The following TMEM87A variants were observed in gnomAD, a reference collection of about 807,000 sequenced individuals.
TMEM87A encodes the protein Golgi-pH regulating cation channel.
A neutral mutation model predicts 90.0 loss-of-function variants in TMEM87A; 50 were observed. That is an observed-to-expected ratio of 0.56 (90% confidence interval 0.44 to 0.70). The LOEUF is 0.70. Among genes scored for constraint, TMEM87A ranks in the 30% least tolerant of loss-of-function variants. TMEM87A has a pLI of 0.00. For missense variants in TMEM87A, 577 were observed against 660.5 expected, an observed-to-expected ratio of 0.87 and a Z score of 1.39; for synonymous variants, 226 against 226.7, an observed-to-expected ratio of 1.00 and a Z score of 0.03.
At chr15:42,273,544 C>T (rs531864227), upstream of TMEM87A, 3 of 1,378,384 alleles carry the variant, frequency 2.2e-6, no homozygotes, top group African/African-American at 1.4e-5. Flanking sequence ...CGGCCCCTCT[C>T]TCAGACAGTC....
At chr15:42,226,756 G>T in intron 15 of TMEM87A, 50 bp downstream of exon 15, 1 of 1,517,620 alleles carries the variant, frequency 6.6e-7, no homozygotes, top group South Asian at 1.1e-5. Context: ...ACCCCTAATT[G>T]ATGACATGGT....
chr15:42,239,942 C>T (rs1017926401), intron 7 of TMEM87A, among the ~76,000 whole-genome samples: 1 of 152,194 alleles, frequency 6.6e-6, no homozygotes, highest in African/African-American at 2.4e-5. Flanking sequence ...GCACAGGTTT[C>T]CATGCCTCCA....
intron 6 of TMEM87A, among the ~76,000 whole-genome samples, chr15:42,255,927 A>T (rs960627268): frequency 7.5e-6 from 1 of 133,880 alleles, no homozygotes; most frequent in Non-Finnish European, 1.6e-5. Context: ...GCGCCACCAC[A>T]CCCAGCTAAT....
intron 6 of TMEM87A, among the ~76,000 whole-genome samples, chr15:42,246,271 A>C (rs1029375886): frequency 2.6e-5 from 4 of 151,518 alleles, no homozygotes; most frequent in African/African-American, 7.3e-5. Context: ...ATGGTTAACT[A>C]TTTTCTAAGT....
At chr15:42,246,914 T>C (rs2050984293) in intron 6 of TMEM87A, among the ~76,000 whole-genome samples, 2 of 152,224 alleles carry the variant, frequency 1.3e-5, no homozygotes, top group Non-Finnish European at 2.9e-5. Context: ...CCACCAACAG[T>C]GTAAAAGTGT....
At chr15:42,253,846 T>A (rs2051130161) in intron 6 of TMEM87A, among the ~76,000 whole-genome samples, 1 of 152,204 alleles carries the variant, frequency 6.6e-6, no homozygotes, top group Non-Finnish European at 1.5e-5. Context: ...GACCTGGACC[T>A]CACTACTCCA....
At chr15:42,261,755 T>C (rs2051297216) in intron 4 of TMEM87A, among the ~76,000 whole-genome samples, 1 of 151,574 alleles carries the variant, frequency 6.6e-6, no homozygotes, top group African/African-American at 2.4e-5. Context: ...TGCCTCAGCC[T>C]CCCGAATAGC....
At chr15:42,245,520 CTTTTTTTT>C (rs550453415) in intron 6 of TMEM87A, among the ~76,000 whole-genome samples, 1 of 118,432 alleles carries the variant, frequency 8.4e-6, no homozygotes, top group Admixed American at 9.4e-5. Flanking sequence ...ACATTTATTA[CTTTTTTTT>C]TTTTTTTTTT....
At chr15:42,242,096 G>T (rs572033930) in intron 7 of TMEM87A, among the ~76,000 whole-genome samples, 3 of 147,264 alleles carry the variant, frequency 2.0e-5, no homozygotes, top group Non-Finnish European at 4.5e-5. Flanking sequence ...AAAAGAAAAA[G>T]AAAAAAACAA....
At chr15:42,249,103 T>C (rs571867658) in intron 6 of TMEM87A, among the ~76,000 whole-genome samples, 2 of 152,342 alleles carry the variant, frequency 1.3e-5, no homozygotes, top group South Asian at 2.1e-4. Flanking sequence ...TGATGGTAGT[T>C]TGTATTTCTG....
intron 18 of TMEM87A, 107 bp downstream of exon 18, chr15:42,218,216 T>A (rs1432155273): frequency 5.5e-6 from 6 of 1,091,404 alleles, no homozygotes; most frequent in Non-Finnish European, 8.0e-6. Flanking sequence ...TTTTAATTAT[T>A]TTTCAGTATC....
intron 4 of TMEM87A, chr15:42,262,124 A>G (rs2051307196): frequency 6.6e-6 from 1 of 152,232 alleles, no homozygotes; most frequent in Non-Finnish European, 1.5e-5. Flanking sequence ...AAACCTTACC[A>G]ATAAGCCAAG....
At chr15:42,217,173 C>T (rs2050397788) in intron 19 of TMEM87A, among the ~76,000 whole-genome samples, 2 of 152,060 alleles carry the variant, frequency 1.3e-5, no homozygotes, top group Non-Finnish European at 2.9e-5. Flanking sequence ...AGGCTGGTCT[C>T]AAGCTCCTGA....
chr15:42,248,419 T>C (rs1005003090), intron 6 of TMEM87A, among the ~76,000 whole-genome samples: 6 of 152,204 alleles, frequency 3.9e-5, no homozygotes, highest in African/African-American at 7.2e-5. Context: ...GGCTGTGGGT[T>C]TGTCATAAAT....
Position 42,226,865 on chromosome 15 carries a change from C to G in TMEM87A, c.1344G>C (p.Leu448=), listed in dbSNP as rs539628249. The G allele has an allele frequency of 1.9e-6, 3 of 1,614,148 alleles. No homozygotes were observed. The highest frequency in any genetic ancestry group is 1.7e-5 in the Admixed American group (1 of 60,026). The change falls in exon 15 of 20, where the codon CTG becomes CTC. Residue 448 remains leucine (L), a synonymous_variant. Transcript: ENST00000389834. Reference sequence around the variant, plus strand: ...TGATGACAAAGAGGATCATGGAGAACAGCAAGCGCCAGATGGCATCGTCTA... The same window carrying G: ...TGATGACAAAGAGGATCATGGAGAAGAGCAAGCGCCAGATGGCATCGTCTA... ...LWVDDAIWRL[L]FSMILFVIMV... is the part of the protein sequence containing the mutation.
At chr15:42,253,577 T>C (rs1306739801) in intron 6 of TMEM87A, among the ~76,000 whole-genome samples, 1 of 152,198 alleles carries the variant, frequency 6.6e-6, no homozygotes, top group East Asian at 1.9e-4. Context: ...GGCAAGTCTT[T>C]AAGAAAAAGG....
chr15:42,225,322 T>C (rs552335876), intron 15 of TMEM87A, among the ~76,000 whole-genome samples: 5 of 152,006 alleles, frequency 3.3e-5, no homozygotes, highest in African/African-American at 1.2e-4. Context: ...GAAGGCATAA[T>C]CACAAAATAA....
intron 3 of TMEM87A, among the ~76,000 whole-genome samples, chr15:42,264,700 T>TATATA (rs35725330): frequency 0.087 from 451 of 5,160 alleles, 2 homozygotes; most frequent in Middle Eastern, 0.25. Context: ...TATATATATA[T>TATATA]TTTTTTTTTA....
chr15:42,223,346 T>A (rs2050531426), intron 15 of TMEM87A, among the ~76,000 whole-genome samples: 1 of 151,944 alleles, frequency 6.6e-6, no homozygotes, highest in African/African-American at 2.4e-5. Context: ...TGGGCCAAGG[T>A]TGCTCCACTA....
Sources: gnomAD v4.1 joint callset for allele counts (sites outside exome capture counted in the v4.1 genomes callset) on GRCh38, gnomAD v4.1.1 for gene constraint, MANE v1.5 for transcripts, NCBI Gene and HGNC (gene_info 2026-07-23, HGNC 2026-07-21) for gene names.